Variants in INSYN2B observed in about 807,000 individuals in gnomAD.
INSYN2B encodes the protein inhibitory synaptic factor family member 2B.
A neutral mutation model predicts 41.2 loss-of-function variants in INSYN2B; 16 were observed. That is an observed-to-expected ratio of 0.39 (90% CI 0.26 to 0.59). INSYN2B has a LOEUF of 0.59. INSYN2B is among the 20% of genes least tolerant of loss of function. The pLI is 0.57. For missense variants in INSYN2B, 608 were observed against 646.4 expected (o/e 0.94, Z 0.64); for synonymous variants, 245 against 244.4 (o/e 1.00, Z -0.02).
intron 1 of INSYN2B, among the ~76,000 whole-genome samples, chr5:169,925,299 A>G (rs900968955): frequency 6.6e-6 from 1 of 152,134 alleles, no homozygotes; most frequent in Non-Finnish European, 1.5e-5. Flanking sequence ...TGCAGGTAAG[A>G]CCCTAGGACA....
intron 1 of INSYN2B, among the ~76,000 whole-genome samples, chr5:169,890,088 G>A (rs553755569): frequency 1.3e-5 from 2 of 152,324 alleles, no homozygotes; most frequent in Admixed American, 6.5e-5. Flanking sequence ...AGAAGGACTC[G>A]ATGACTTGTC....
At chr5:169,968,975 C>T (rs72828612) in intron 1 of INSYN2B, among the ~76,000 whole-genome samples, 32,670 of 152,074 alleles carry the variant, frequency 0.21, 4,322 homozygotes, top group East Asian at 0.44. Flanking sequence ...ATGGTGATAC[C>T]ATGCCTCTAC....
At chr5:169,931,619 A>T (rs934677736) in intron 1 of INSYN2B, among the ~76,000 whole-genome samples, 3 of 152,190 alleles carry the variant, frequency 2.0e-5, no homozygotes, top group African/African-American at 7.2e-5. Context: ...CTGACACAAG[A>T]TCTCTGAGCC....
intron 1 of INSYN2B, among the ~76,000 whole-genome samples, chr5:169,905,899 G>T (rs932917004): frequency 6.6e-6 from 1 of 152,184 alleles, no homozygotes; most frequent in Non-Finnish European, 1.5e-5. Flanking sequence ...CAGTCAAGCT[G>T]ATTTCCTAAA....
intron 1 of INSYN2B, among the ~76,000 whole-genome samples, chr5:169,896,807 G>A (rs564198708): frequency 6.6e-6 from 1 of 152,302 alleles, no homozygotes; most frequent in South Asian, 2.1e-4. Flanking sequence ...GATTGATAAT[G>A]TAGAAGAGGA....
chr5:169,896,535 G>A (rs1339115955), intron 1 of INSYN2B, among the ~76,000 whole-genome samples: 2 of 152,172 alleles, frequency 1.3e-5, no homozygotes, highest in Non-Finnish European at 1.5e-5. Context: ...TTAAGAAGCT[G>A]GCTGTAAGAT....
chr5:169,870,906 A>G (rs61026320), intron 3 of INSYN2B, among the ~76,000 whole-genome samples: 22,497 of 152,084 alleles, frequency 0.15, 2,246 homozygotes, highest in African/African-American at 0.28. Context: ...TGGCTTATAC[A>G]TACATACATA....
chr5:169,966,241 T>C (rs1017441676), intron 1 of INSYN2B, among the ~76,000 whole-genome samples: 4 of 152,120 alleles, frequency 2.6e-5, no homozygotes, highest in African/African-American at 9.7e-5. Flanking sequence ...GGTTGGTTGC[T>C]TCATAACAAA....
chr5:169,980,456 G>A lies in INSYN2B; in HGVS notation c.-1098C>T, dbSNP rs1242818782. The A allele has an allele frequency of 1.3e-5, 2 of 152,050 alleles. No homozygotes were observed. Among genetic ancestry groups the A allele is most frequent in the African/African-American group, 2.4e-5 (1 of 41,378 alleles). 9.4% of individuals were successfully genotyped at this position (152,050 alleles called of 1,614,324 possible). A position where few individuals can be genotyped will look rare whatever the true frequency, so the allele number is the denominator to read the frequency against. ...CTCACGTAGGAATAAATAAAAAGCC[G>A]AACAAACTGCTCGGCAGCTACCATG... On this transcript the variant is annotated 5_prime_UTR_variant, in exon 1 of 4. Transcript: ENST00000377365.
At chr5:169,947,856 A>G (rs894178056) in intron 1 of INSYN2B, among the ~76,000 whole-genome samples, 1 of 152,164 alleles carries the variant, frequency 6.6e-6, no homozygotes, top group Non-Finnish European at 1.5e-5. Context: ...TACAGCATAC[A>G]TGGTGCCTGC....
At chr5:169,895,659 G>A (rs1353983878) in intron 1 of INSYN2B, among the ~76,000 whole-genome samples, 1 of 151,970 alleles carries the variant, frequency 6.6e-6, no homozygotes. Context: ...GCCCCCGAGA[G>A]CAGGGTGACA....
chr5:169,968,700 C>T (rs748668210), intron 1 of INSYN2B, among the ~76,000 whole-genome samples: 3 of 152,088 alleles, frequency 2.0e-5, no homozygotes, highest in South Asian at 2.1e-4. Flanking sequence ...TTTTGACTCC[C>T]GCTAGTTATT....
chr5:169,958,760 CA>C (rs1359651184), intron 1 of INSYN2B, among the ~76,000 whole-genome samples: 1 of 152,126 alleles, frequency 6.6e-6, no homozygotes, highest in Non-Finnish European at 1.5e-5. Flanking sequence ...GGCATTCAGG[CA>C]GGAGGGGCTG....
chr5:169,943,872 A>G lies in INSYN2B; in HGVS notation c.-919+36405T>C, dbSNP rs964755394. 3.3e-5 allele frequency among the ~76,000 whole-genome samples: 5 copies of G among 152,206 alleles called. No homozygotes were observed. In the East Asian group the frequency reaches 9.6e-4, roughly 29 times the overall value. Reference sequence around the variant, plus strand: ...CCTTACCCCATGGTAAGGGATGAGCACTGGAAAATGAAGGGAACTGCTTCT... The same window carrying G: ...CCTTACCCCATGGTAAGGGATGAGCGCTGGAAAATGAAGGGAACTGCTTCT... On this transcript the variant is annotated intron_variant, in intron 1 of 3. Transcript: ENST00000377365.
chr5:169,950,642 C>A (rs1032248960), intron 1 of INSYN2B, among the ~76,000 whole-genome samples: 1 of 152,234 alleles, frequency 6.6e-6, no homozygotes, highest in Non-Finnish European at 1.5e-5. Context: ...CTCAGGTGTA[C>A]TCTTTTCCCC....
chr5:169,870,744 C>G (rs1352889545), intron 3 of INSYN2B, among the ~76,000 whole-genome samples: 4 of 151,996 alleles, frequency 2.6e-5, no homozygotes, highest in Non-Finnish European at 4.4e-5. Flanking sequence ...TTTATTTTAT[C>G]CTCATGATAG....
chr5:169,939,892 C>A (rs1397737915), intron 1 of INSYN2B, among the ~76,000 whole-genome samples: 3 of 152,170 alleles, frequency 2.0e-5, no homozygotes, highest in Non-Finnish European at 4.4e-5. Context: ...TTTCTTACCA[C>A]AAGAGTTGAT....
chr5:169,919,098 T>C (rs1347429572), intron 1 of INSYN2B, among the ~76,000 whole-genome samples: 1 of 152,348 alleles, frequency 6.6e-6, no homozygotes, highest in East Asian at 1.9e-4. Context: ...AAGGACACTA[T>C]GATCTTTGAT....
In INSYN2B at chr5:169,882,722, T is replaced by C; in HGVS notation, c.1177A>G (p.Asn393Asp). 1 of 1,552,014 alleles carries C rather than the reference T, an allele frequency of 6.4e-7. No individual in the cohort carries two copies. Among genetic ancestry groups the C allele is most frequent in the Non-Finnish European group, 8.7e-7 (1 of 1,147,020 alleles). Residue 393 changes from asparagine to aspartate, a missense_variant, in exon 2 of 4, where the codon AAC (asparagine) becomes GAC (aspartate). Physicochemically the swap from Asn to Asp is conservative, Grantham distance 23. Coordinates refer to ENST00000377365, the MANE Select transcript of INSYN2B (RefSeq NM_001129891.3). ...TGATTAATGTCACTAATCTCCCTGT[T>C]GCTCTGAAGTTTGGTCTCACTCCTT... is the stretch of plus-strand genomic sequence containing the variant. The part of the protein sequence containing the change: ...LSRSETKLQS[N>D]REISDINQIH...
Sources: gnomAD v4.1 joint callset for allele counts (sites outside exome capture counted in the v4.1 genomes callset) on GRCh38, gnomAD v4.1.1 for gene constraint, MANE v1.5 for transcripts, NCBI Gene and HGNC (gene_info 2026-07-23, HGNC 2026-07-21) for gene names.